Variants in ADCY2 observed in about 807,000 individuals in gnomAD.
The protein encoded by ADCY2 is adenylate cyclase type 2.
Under a neutral mutation model 125.2 loss-of-function variants are expected in ADCY2, and 31 were observed. That is an observed-to-expected ratio of 0.25 (90% CI 0.19 to 0.33). The LOEUF is 0.33. ADCY2 is among the 10% of genes least tolerant of loss of function. The pLI is 1.00. For synonymous variants in ADCY2, 512 were observed against 548.4 expected, an observed-to-expected ratio of 0.93 and a Z score of 0.93; for missense variants, 904 against 1,418.2, an observed-to-expected ratio of 0.64 and a Z score of 5.82.
intron 3 of ADCY2, among the ~76,000 whole-genome samples, chr5:7,532,518 A>C (rs913557158): frequency 3.3e-5 from 5 of 152,210 alleles, no homozygotes; most frequent in African/African-American, 1.2e-4. Context: ...CATAGTAGAC[A>C]CATTTGTCTA....
At position 7,828,608 on chromosome 5, in the gene ADCY2, C is replaced by A. The variant is rs1432131978; in HGVS notation, c.*1737C>A. On this transcript the variant is annotated 3_prime_UTR_variant, in exon 25 of 25. Transcript: ENST00000338316. ...GAGCATGACTTATTTAGTATTCTGC[C>A]TCAATGGGGAATTTTTTGATCCTGT... 1 of 152,292 alleles carries A rather than the reference C, an allele frequency of 6.6e-6. No individual in the cohort carries two copies. The highest frequency in any genetic ancestry group is 1.5e-5 in the Non-Finnish European group (1 of 68,042). 9.4% of individuals were successfully genotyped at this position (152,292 alleles called of 1,614,324 possible). A position where few individuals can be genotyped will look rare whatever the true frequency, so the allele number is the denominator to read the frequency against.
chr5:7,476,503 T>A (rs1296966291), intron 2 of ADCY2, among the ~76,000 whole-genome samples: 1 of 152,144 alleles, frequency 6.6e-6, no homozygotes, highest in African/African-American at 2.4e-5. Context: ...CCCTGGAACA[T>A]GTGTGTGCCC....
At chr5:7,733,147 T>A (rs4235586) in intron 14 of ADCY2, among the ~76,000 whole-genome samples, 55,900 of 152,072 alleles carry the variant, frequency 0.37, 12,322 homozygotes, top group East Asian at 0.94. Context: ...TTTAGGTAAA[T>A]AACATGTGTT....
At chr5:7,789,036 A>G (rs1156576379) in intron 19 of ADCY2, among the ~76,000 whole-genome samples, 1 of 152,250 alleles carries the variant, frequency 6.6e-6, no homozygotes, top group Non-Finnish European at 1.5e-5. Flanking sequence ...ATAAAGCATG[A>G]ACACAGGTTT....
At chr5:7,576,795 A>G (rs1736267466) in intron 3 of ADCY2, among the ~76,000 whole-genome samples, 2 of 152,200 alleles carry the variant, frequency 1.3e-5, no homozygotes, top group African/African-American at 4.8e-5. Flanking sequence ...CACCACTGTT[A>G]AGAGCTTTCC....
rs749972038 is a variant in ADCY2, at chr5:7,424,353, GA to G, written c.408+9589del. 2.6e-5 allele frequency among the ~76,000 whole-genome samples: 4 copies of G among 152,226 alleles called. No individual in the cohort carries two copies. In the East Asian group the frequency reaches 5.8e-4, roughly 22 times the overall value. ...CTATTATCACTTGCATCTTGCTGAT[GA>G]AAAAATTGAAGCCCAGAAAAGTTAA... On this transcript the variant is annotated intron_variant, in intron 2 of 24. Transcript: ENST00000338316.
At chr5:7,668,858 C>A (rs1739841529) in intron 4 of ADCY2, among the ~76,000 whole-genome samples, 1 of 152,206 alleles carries the variant, frequency 6.6e-6, no homozygotes, top group Admixed American at 6.5e-5. Context: ...TGCTCAACAA[C>A]TTGTTCAGTC....
chr5:7,481,167 G>A (rs1264270425), intron 2 of ADCY2, among the ~76,000 whole-genome samples: 1 of 152,108 alleles, frequency 6.6e-6, no homozygotes, highest in Non-Finnish European at 1.5e-5. Flanking sequence ...CTTAAGGATA[G>A]TAGCCATTTT....
At chr5:7,681,795 G>T (rs145367835) in intron 4 of ADCY2, among the ~76,000 whole-genome samples, 291 of 152,172 alleles carry the variant, frequency 1.9e-3, no homozygotes, top group Non-Finnish European at 3.0e-3. Context: ...TAAAAAAAGG[G>T]GGGCCATTGT....
intron 3 of ADCY2, among the ~76,000 whole-genome samples, chr5:7,550,679 C>T (rs1185025852): frequency 1.3e-5 from 2 of 152,108 alleles, no homozygotes; most frequent in Non-Finnish European, 2.9e-5. Flanking sequence ...GCCTCTGGGC[C>T]CAGTCCACTC....
intron 2 of ADCY2, among the ~76,000 whole-genome samples, chr5:7,507,092 G>A (rs1315813219): frequency 6.6e-6 from 1 of 151,184 alleles, no homozygotes; most frequent in Non-Finnish European, 1.5e-5. Context: ...TTCTTCACAC[G>A]CGGGAGGGCT....
chr5:7,530,122 C>A (rs941103284), intron 3 of ADCY2, among the ~76,000 whole-genome samples: 1 of 152,154 alleles, frequency 6.6e-6, no homozygotes, highest in Non-Finnish European at 1.5e-5. Flanking sequence ...TGGCCAACCT[C>A]CTTGTTTGGT....
At chr5:7,719,811 C>A (rs1015976140) in intron 12 of ADCY2, among the ~76,000 whole-genome samples, 1 of 152,146 alleles carries the variant, frequency 6.6e-6, no homozygotes, top group Admixed American at 6.5e-5. Context: ...GGAGTTAGGG[C>A]TTCAAAGATG....
chr5:7,758,448 T>C (rs1416076896), intron 16 of ADCY2, among the ~76,000 whole-genome samples: 1 of 152,236 alleles, frequency 6.6e-6, no homozygotes, highest in African/African-American at 2.4e-5. Context: ...TTAGGAGATG[T>C]AGTCCTTGCC....
At chr5:7,704,060 A>G (rs568606743) in intron 7 of ADCY2, among the ~76,000 whole-genome samples, 1 of 149,426 alleles carries the variant, frequency 6.7e-6, no homozygotes, top group African/African-American at 2.6e-5. Context: ...AGCAACAGAG[A>G]GGACATCTCA....
chr5:7,711,051 G>T (rs1280946849), intron 10 of ADCY2, among the ~76,000 whole-genome samples: 1 of 152,170 alleles, frequency 6.6e-6, no homozygotes, highest in South Asian at 2.1e-4. Flanking sequence ...CTGCTGGACC[G>T]CTTCTAACCT....
chr5:7,534,349 C>T (rs1340316155), intron 3 of ADCY2, among the ~76,000 whole-genome samples: 1 of 152,194 alleles, frequency 6.6e-6, no homozygotes, highest in Non-Finnish European at 1.5e-5. Context: ...CTTTCGTGTT[C>T]TGAATAATTC....
intron 20 of ADCY2, among the ~76,000 whole-genome samples, chr5:7,792,100 C>T (rs1455021197): frequency 4.0e-5 from 6 of 151,264 alleles, no homozygotes; most frequent in Non-Finnish European, 7.4e-5. Context: ...AGGCCGGGCG[C>T]GGTGGCTCAC....
intron 2 of ADCY2, among the ~76,000 whole-genome samples, chr5:7,475,628 CG>C (rs1742496500): frequency 6.6e-6 from 1 of 152,154 alleles, no homozygotes; most frequent in Non-Finnish European, 1.5e-5. Flanking sequence ...GCGATCCACC[CG>C]CCTCGGCCTC....
Sources: gnomAD v4.1 joint callset for allele counts (sites outside exome capture counted in the v4.1 genomes callset) on GRCh38, gnomAD v4.1.1 for gene constraint, MANE v1.5 for transcripts, NCBI Gene and HGNC (gene_info 2026-07-23, HGNC 2026-07-21) for gene names.